The following BAHCC1 variants were observed in gnomAD, a reference collection of about 807,000 sequenced individuals.
BAHCC1 encodes BAH domain and coiled-coil containing 1, also known as BAH and coiled-coil domain-containing protein 1.
Under a neutral mutation model 88.2 loss-of-function variants are expected in BAHCC1, and 43 were observed. The ratio of observed to expected loss-of-function variants is 0.49; its 90% CI spans 0.38 to 0.63. The LOEUF (loss-of-function observed/expected upper bound fraction) is 0.63. Ranked by LOEUF, BAHCC1 falls within the 20% of genes least tolerant of loss-of-function variation. The probability of loss-of-function intolerance (pLI) is 0.00; values close to 1 mark genes in which losing one functional copy is unlikely to be tolerated. For missense variants in BAHCC1, 3,023 were observed against 1,654.8 expected (o/e 1.83, Z -14.34); for synonymous variants, 1,510 against 745.5 (o/e 2.03, Z -16.71).
In BAHCC1 at chr17:81,405,056, G is replaced by T. The variant is rs995755257; in HGVS notation, c.178+5139G>T. Among the ~76,000 whole-genome samples, 10 of 150,942 alleles carry T rather than the reference G, an allele frequency of 6.6e-5. No homozygotes were observed. The South Asian group carries it at 2.1e-3, about 31-fold the overall frequency. ...GCATCGTCTGGTGTGTTTTGTTTTT[G>T]TTTTTGTTTTGTTTTTGTTTTTTGA... On this transcript the variant is annotated intron_variant, in intron 2 of 27. Transcript: ENST00000675386.
chr17:81,428,350 G>A (rs2064223758), intron 3 of BAHCC1, among the ~76,000 whole-genome samples: 1 of 152,222 alleles, frequency 6.6e-6, no homozygotes, highest in African/African-American at 2.4e-5. Flanking sequence ...AGGGAGGAGG[G>A]TGGCCTGGCA....
chr17:81,427,005 C>G, intron 3 of BAHCC1, 26 bp downstream of exon 3: 4 of 398,570 alleles, frequency 1.0e-5, no homozygotes, highest in Non-Finnish European at 1.8e-5. Context: ...GGGCTCCCAG[C>G]GACACCCTGG....
At chr17:81,410,995 C>T (rs2063942940) in intron 2 of BAHCC1, 1 of 488,200 alleles carries the variant, frequency 2.0e-6, no homozygotes, top group South Asian at 1.5e-5. Context: ...GCTTCGGAGC[C>T]GCACCTGGGT....
intron 2 of BAHCC1, among the ~76,000 whole-genome samples, chr17:81,413,470 C>T (rs992381732): frequency 2.6e-5 from 4 of 152,200 alleles, no homozygotes; most frequent in African/African-American, 9.7e-5. Context: ...CACACCACCG[C>T]CTCCACTCTG....
At chr17:81,433,121 A>C (rs1485612265) in intron 3 of BAHCC1, among the ~76,000 whole-genome samples, 1 of 151,272 alleles carries the variant, frequency 6.6e-6, no homozygotes, top group Non-Finnish European at 1.5e-5. Flanking sequence ...AGTTCCCTGC[A>C]GGCCTGTGGA....
In BAHCC1 at chr17:81,443,506, T is replaced by C; in HGVS notation, c.2157T>C (p.Ser719=). 1 of 697,302 alleles carries C rather than the reference T, an allele frequency of 1.4e-6. No homozygotes were observed. Among genetic ancestry groups the C allele is most frequent in the African/African-American group, 1.7e-5 (1 of 57,172 alleles). 43.2% of individuals were successfully genotyped at this position (697,302 alleles called of 1,614,324 possible). ...GGCAGAAGGACACAGTGAGCCGGTC[T>C]GAGGCAGCCTACGGCACCAACACTG... ...LARQKDTVSR[S]EAAYGTNTAR... is the part of the protein sequence containing the mutation. Residue 719 remains serine, a synonymous_variant, in exon 5 of 28, where the codon TCT becomes TCC. Transcript: ENST00000675386.
intron 2 of BAHCC1, among the ~76,000 whole-genome samples, chr17:81,412,683 G>GC (rs565244341): frequency 1.5e-3 from 234 of 152,226 alleles, no homozygotes; most frequent in Middle Eastern, 6.8e-3. Context: ...CCCCGTCCGC[G>GC]CCCCCCGCCC....
chr17:81,406,628 C>T (rs2063882972), intron 2 of BAHCC1, among the ~76,000 whole-genome samples: 1 of 152,260 alleles, frequency 6.6e-6, no homozygotes, highest in Non-Finnish European at 1.5e-5. Flanking sequence ...TACCGTTTCG[C>T]TCACGCAGGC....
intron 2 of BAHCC1, among the ~76,000 whole-genome samples, chr17:81,407,632 C>T (rs896824286): frequency 8.5e-5 from 13 of 152,214 alleles, no homozygotes; most frequent in Non-Finnish European, 1.5e-4. Context: ...CAGGCATGAA[C>T]AGACATTGCC....
In BAHCC1 at chr17:81,461,901, A is replaced by G. The variant is rs1555659610; in HGVS notation, c.7238A>G (p.Lys2413Arg). The change falls in exon 26 of 28, where the codon AAG becomes AGG. Residue 2413 changes from lysine (K) to arginine (R), a missense_variant. Coordinates refer to ENST00000675386, the MANE Select transcript of BAHCC1 (RefSeq NM_001377448.1). ...GGCCCCAGCAGCAGCAGCAAATCCA[A>G]GCTCAAGCGCAAAGAGGCCCTGAGC... ...GSGPSSSSKS[K>R]LKRKEALSFS... The G allele has an allele frequency of 5.4e-6, 4 of 739,714 alleles. No homozygotes were observed. The highest frequency in any genetic ancestry group is 7.5e-6 in the Non-Finnish European group (3 of 398,304). 45.8% of individuals were successfully genotyped at this position (739,714 alleles called of 1,614,324 possible). A position where few individuals can be genotyped will look rare whatever the true frequency, so the allele number is the denominator to read the frequency against.
intron 3 of BAHCC1, among the ~76,000 whole-genome samples, chr17:81,432,024 C>T (rs922343034): frequency 1.7e-4 from 26 of 152,174 alleles, no homozygotes; most frequent in Non-Finnish European, 3.5e-4. Context: ...CAGGGGTCGT[C>T]ACAGACCCAG....
At chr17:81,462,245 C>T (rs2030362479) in intron 26 of BAHCC1, among the ~76,000 whole-genome samples, 199 bp downstream of exon 26, 1 of 152,252 alleles carries the variant, frequency 6.6e-6, no homozygotes, top group South Asian at 2.1e-4. Context: ...CTCGCTGGAG[C>T]CCGTGGCCTG....
Position 81,436,072 on chromosome 17 carries a change from G to A in BAHCC1, c.359-2298G>A, listed in dbSNP as rs1199230206. 4.7e-5 allele frequency among the ~76,000 whole-genome samples: 7 copies of A among 150,396 alleles called. No homozygotes were observed. The South Asian group carries it at 1.5e-3, about 32-fold the overall frequency. The stretch of plus-strand genomic sequence containing the variant: ...CCCACCCTGCCGACTGGGCCTCTCC[G>A]GCACCCAGCCCCTCCCTCTCTGCTC... On this transcript the variant is annotated intron_variant, in intron 3 of 27. Transcript: ENST00000675386.
intron 10 of BAHCC1, chr17:81,446,805 A>T: frequency 1.5e-6 from 1 of 676,664 alleles, no homozygotes; most frequent in Non-Finnish European, 2.7e-6. Context: ...CATCCACCTC[A>T]GCCTCCCAAA....
chr17:81,460,087 G>A (rs2143651912), intron 23 of BAHCC1, among the ~76,000 whole-genome samples, 190 bp from the exon 24 acceptor site: 1 of 152,244 alleles, frequency 6.6e-6, no homozygotes, highest in Admixed American at 6.5e-5. Flanking sequence ...GCATCACATG[G>A]GAGGCACTGC....
intron 11 of BAHCC1, among the ~76,000 whole-genome samples, chr17:81,449,937 G>A (rs782136253): frequency 2.6e-4 from 39 of 152,260 alleles, no homozygotes; most frequent in Non-Finnish European, 4.9e-4. Flanking sequence ...CAGCCTGGGC[G>A]CTCAGGTCAG....
chr17:81,462,532 G>C (rs2030390238), intron 26 of BAHCC1: 3 of 572,618 alleles, frequency 5.2e-6, no homozygotes, highest in Non-Finnish European at 9.3e-6. Context: ...CCATGTGCGG[G>C]CTCCGTGGAG....
chr17:81,425,322 G>T (rs111174338), intron 2 of BAHCC1, among the ~76,000 whole-genome samples: 117 of 53,198 alleles, frequency 2.2e-3, no homozygotes, highest in Middle Eastern at 0.015. Flanking sequence ...ATGTGGTTGG[G>T]GGTGATAGTG....
At chr17:81,400,418 G>A (rs2063800782) in intron 2 of BAHCC1, among the ~76,000 whole-genome samples, 1 of 152,108 alleles carries the variant, frequency 6.6e-6, no homozygotes, top group Non-Finnish European at 1.5e-5. Context: ...TGTAAGACGA[G>A]CAAATCCTGT....
Sources: gnomAD v4.1 joint callset for allele counts (sites outside exome capture counted in the v4.1 genomes callset) on GRCh38, gnomAD v4.1.1 for gene constraint, MANE v1.5 for transcripts, NCBI Gene and HGNC (gene_info 2026-07-23, HGNC 2026-07-21) for gene names.